Variants in FAM114A1 observed in about 807,000 individuals in gnomAD.
FAM114A1 encodes protein NOXP20.
FAM114A1 carries 62 observed loss-of-function variants against 64.3 expected under a neutral mutation model. The observed-to-expected ratio is 0.96, with a 90% CI of 0.79 to 1.19. The LOEUF (loss-of-function observed/expected upper bound fraction) is 1.19. Ranked by LOEUF, FAM114A1 falls within the 50% of genes most tolerant of loss-of-function variation. FAM114A1 has a pLI of 0.00. For missense variants in FAM114A1, 645 were observed against 676.3 expected (o/e 0.95, Z 0.51); for synonymous variants, 254 against 251.1 (o/e 1.01, Z -0.11).
chr4:38,921,174 A>C (rs140777472), intron 8 of FAM114A1, among the ~76,000 whole-genome samples: 120 of 152,312 alleles, frequency 7.9e-4, no homozygotes, highest in African/African-American at 2.8e-3. Flanking sequence ...ACTACTTTAT[A>C]CTTATACTTA....
chr4:38,940,019 G>A (rs751583396), intron 13 of FAM114A1, among the ~76,000 whole-genome samples: 2 of 151,732 alleles, frequency 1.3e-5, no homozygotes, highest in Non-Finnish European at 2.9e-5. Context: ...CTCCTGAGTA[G>A]CTGGGATTAC....
At chr4:38,877,310 T>A (rs1714738373) in intron 2 of FAM114A1, among the ~76,000 whole-genome samples, 1 of 152,154 alleles carries the variant, frequency 6.6e-6, no homozygotes, top group African/African-American at 2.4e-5. Context: ...CAAGGTAGAA[T>A]CAGTGGGAGC....
chr4:38,939,077 CT>C (rs1721360447), intron 13 of FAM114A1, among the ~76,000 whole-genome samples: 1 of 152,136 alleles, frequency 6.6e-6, no homozygotes, highest in Non-Finnish European at 1.5e-5. Context: ...TTCTGTATTT[CT>C]AGTAAGCAGT....
At position 38,889,489 on chromosome 4, in the gene FAM114A1, G is replaced by A. The variant is rs573067965; in HGVS notation, c.349-2254G>A. Among the ~76,000 whole-genome samples the A allele has an allele frequency of 1.3e-4, 20 of 152,262 alleles. No homozygotes were observed. In the East Asian group the frequency reaches 2.9e-3, roughly 22 times the overall value. ...ATTATTTCTAGCTCACACTTTTGGA[G>A]TACTTCTTATATGCCAGGCACTATG... On this transcript the variant is annotated intron_variant, in intron 3 of 14. Transcript: ENST00000358869.
At chr4:38,894,854 C>T (rs1716760957) in intron 4 of FAM114A1, among the ~76,000 whole-genome samples, 1 of 152,158 alleles carries the variant, frequency 6.6e-6, no homozygotes, top group Non-Finnish European at 1.5e-5. Flanking sequence ...CATTATTTTA[C>T]AGTTTCCGTG....
At chr4:38,886,761 C>T (rs1460137740) in intron 3 of FAM114A1, among the ~76,000 whole-genome samples, 4 of 151,544 alleles carry the variant, frequency 2.6e-5, no homozygotes, top group Admixed American at 2.6e-4. Context: ...AACCCTGTCT[C>T]CACTAAAAAT....
intron 4 of FAM114A1, among the ~76,000 whole-genome samples, chr4:38,899,453 C>T (rs1005291304): frequency 3.3e-5 from 5 of 152,116 alleles, no homozygotes; most frequent in Admixed American, 6.6e-5. Context: ...TTTAGTTGAG[C>T]GCTGTCAGTA....
intron 8 of FAM114A1, among the ~76,000 whole-genome samples, chr4:38,917,676 A>G (rs999947405): frequency 9.9e-5 from 15 of 152,154 alleles, no homozygotes; most frequent in Admixed American, 3.3e-4. Context: ...ATGGTGGTGG[A>G]GAATGATTCC....
intron 6 of FAM114A1, among the ~76,000 whole-genome samples, chr4:38,908,306 C>A (rs970604789): frequency 1.3e-5 from 2 of 152,030 alleles, no homozygotes; most frequent in Non-Finnish European, 2.9e-5. Context: ...ACACAGAGAG[C>A]CAGTAAAATT....
intron 9 of FAM114A1, among the ~76,000 whole-genome samples, chr4:38,928,083 C>G (rs1418196868): frequency 6.6e-6 from 1 of 152,224 alleles, no homozygotes; most frequent in East Asian, 1.9e-4. Context: ...TAAATACCTA[C>G]AAGCTATGCC....
intron 3 of FAM114A1, among the ~76,000 whole-genome samples, chr4:38,883,805 A>G (rs1446476998): frequency 3.3e-5 from 5 of 152,170 alleles, no homozygotes; most frequent in Non-Finnish European, 2.9e-5. Flanking sequence ...AGAGTTCCCT[A>G]CTGCCTACGT....
At chr4:38,880,177 A>ATAGAATAG (rs71191000) in intron 3 of FAM114A1, among the ~76,000 whole-genome samples, 7 of 151,050 alleles carry the variant, frequency 4.6e-5, no homozygotes, top group East Asian at 3.9e-4. Context: ...ATAGAATAGA[A>ATAGAATAG]AATATTGATG....
chr4:38,872,223 A>G (rs1714147134), intron 2 of FAM114A1, among the ~76,000 whole-genome samples: 1 of 152,230 alleles, frequency 6.6e-6, no homozygotes, highest in South Asian at 2.1e-4. Flanking sequence ...CCTGGATAGT[A>G]TATTCCTGAA....
intron 12 of FAM114A1, 86 bp from the exon 13 acceptor site, chr4:38,935,632 C>G (rs2109799505): frequency 2.2e-6 from 2 of 893,390 alleles, no homozygotes; most frequent in Non-Finnish European, 1.7e-6. Flanking sequence ...AAATGTCATA[C>G]TGAATTAGTA....
intron 2 of FAM114A1, among the ~76,000 whole-genome samples, chr4:38,877,646 G>A (rs564045598): frequency 9.9e-5 from 15 of 151,132 alleles, no homozygotes; most frequent in Non-Finnish European, 2.2e-4. Flanking sequence ...GGACCCACAA[G>A]GTTACATAGA....
At chr4:38,868,818 C>A (rs968169091) in intron 2 of FAM114A1, among the ~76,000 whole-genome samples, 1 of 152,216 alleles carries the variant, frequency 6.6e-6, no homozygotes, top group Non-Finnish European at 1.5e-5. Context: ...CCTAGTGGCT[C>A]CTTCCCTACC....
At chr4:38,931,743 C>T in intron 11 of FAM114A1, 131 bp downstream of exon 11, 1 of 886,896 alleles carries the variant, frequency 1.1e-6, no homozygotes, top group Non-Finnish European at 1.6e-6. Flanking sequence ...AAGTTTGAGA[C>T]CAGCCTGGCC....
chr4:38,922,077 G>A (rs1719650630), intron 8 of FAM114A1, among the ~76,000 whole-genome samples: 1 of 152,122 alleles, frequency 6.6e-6, no homozygotes, highest in African/African-American at 2.4e-5. Flanking sequence ...GAGTAGCTGG[G>A]ATTACAGGCA....
chr4:38,944,578 G>C lies in FAM114A1; in HGVS notation c.*1021G>C, dbSNP rs1007942329. On this transcript the variant is annotated 3_prime_UTR_variant, in exon 15 of 15. Transcript: ENST00000358869. Reference sequence around the variant, plus strand: ...GGCCACACAGCAGGGGGTGAGCGGTGGGTGAGTGAGCACAGCTTCATCTGT... The same window carrying C: ...GGCCACACAGCAGGGGGTGAGCGGTCGGTGAGTGAGCACAGCTTCATCTGT... 7.2e-5 allele frequency: 11 copies of C among 152,384 alleles called. No individual in the cohort carries two copies. The highest frequency in any genetic ancestry group is 6.5e-4 in the Admixed American group (10 of 15,298). The allele number at this position is 152,384 out of a possible 1,614,324, so 9.4% of individuals were successfully genotyped here.
Sources: gnomAD v4.1 joint callset for allele counts (sites outside exome capture counted in the v4.1 genomes callset) on GRCh38, gnomAD v4.1.1 for gene constraint, MANE v1.5 for transcripts, NCBI Gene and HGNC (gene_info 2026-07-23, HGNC 2026-07-21) for gene names.